RHOXF1: variants seen among roughly 807,000 people sequenced by gnomAD.
RHOXF1 encodes Rhox homeobox family member 1.
In RHOXF1, 1 loss-of-function variant was observed where a neutral mutation model predicts 9.7. That is an observed-to-expected ratio of 0.10 (90% CI 0.04 to 0.49). The LOEUF (loss-of-function observed/expected upper bound fraction) is 0.49. Ranked by LOEUF, RHOXF1 falls within the 20% of genes least tolerant of loss-of-function variation. RHOXF1 has a pLI of 0.95. For missense variants in RHOXF1, 179 were observed against 168.0 expected (o/e 1.07, Z -0.36); for synonymous variants, 72 against 70.2 (o/e 1.03, Z -0.13).
At chrX:120,116,220 T>G (rs868911624), upstream of RHOXF1, among the ~76,000 whole-genome samples, 1 of 26,907 alleles carries the variant, frequency 3.7e-5, no homozygotes, top group Non-Finnish European at 6.2e-5. Flanking sequence ...GGGTACATGG[T>G]GGGGGTGGGG....
chrX:120,114,783 A>T (rs961296418), intron 1 of RHOXF1, among the ~76,000 whole-genome samples: 2 of 111,887 alleles, frequency 1.8e-5, no homozygotes, highest in African/African-American at 6.5e-5. Context: ...TATGTAAAAA[A>T]CCCCAGAAAA....
upstream of RHOXF1, chrX:120,116,536 T>A (rs2057297781): frequency 9.1e-6 from 1 of 110,470 alleles, no homozygotes; most frequent in Non-Finnish European, 1.9e-5. Context: ...TAGGACGCCT[T>A]GAGTAAAAGT....
intron 2 of RHOXF1, among the ~76,000 whole-genome samples, chrX:120,112,516 A>T (rs868924196): frequency 2.2e-4 from 19 of 87,918 alleles, no homozygotes; most frequent in African/African-American, 8.1e-4. Flanking sequence ...TATTATATAT[A>T]ATACACATAT....
chrX:120,117,412 A>G (rs1444176403), upstream of RHOXF1, among the ~76,000 whole-genome samples: 1 of 111,661 alleles, frequency 9.0e-6, no homozygotes, highest in African/African-American at 3.3e-5. Flanking sequence ...CTCTTAAGTG[A>G]TGTTATATAC....
At chrX:120,119,265 G>A (rs892373704), upstream of RHOXF1, among the ~76,000 whole-genome samples, 2 of 111,261 alleles carry the variant, frequency 1.8e-5, no homozygotes, top group African/African-American at 3.3e-5. Context: ...TTAAACCAAG[G>A]CAAAATGAGA....
intron 2 of RHOXF1, among the ~76,000 whole-genome samples, chrX:120,111,809 G>T (rs902747305): frequency 3.6e-5 from 4 of 111,889 alleles, no homozygotes; most frequent in Admixed American, 9.5e-5. Context: ...AGCCTATTTT[G>T]ACCATATTTC....
At chrX:120,120,204 T>C (rs1556001114), upstream of RHOXF1, among the ~76,000 whole-genome samples, 2 of 111,372 alleles carry the variant, frequency 1.8e-5, no homozygotes, top group Non-Finnish European at 3.8e-5. Context: ...GAGCATAAGA[T>C]TGGGATTTTA....
intron 1 of RHOXF1, among the ~76,000 whole-genome samples, chrX:120,114,115 C>T (rs1335534561): frequency 9.2e-6 from 1 of 109,033 alleles, no homozygotes; most frequent in Non-Finnish European, 1.9e-5. Context: ...AACAAAAAAA[C>T]CAGAAAAACA....
chrX:120,109,392 T>A, intron 2 of RHOXF1, 90 bp from the exon 3 acceptor site: 1 of 515,361 alleles, frequency 1.9e-6, no homozygotes, highest in Non-Finnish European at 3.3e-6. Context: ...TATATGCTAT[T>A]GAGATTTTAA....
In RHOXF1 at chrX:120,109,111, C is replaced by T. The variant is rs782628642; in HGVS notation, c.*81G>A. On this transcript the variant is annotated 3_prime_UTR_variant, in exon 3 of 3. Coordinates refer to ENST00000217999, the MANE Select transcript of RHOXF1 (RefSeq NM_139282.3). ...GCAGAGGAGATAAGGGTAGCCTGAG[C>T]GGCATGGGCAGCCCAGGTGTCAGTG... is the stretch of plus-strand genomic sequence containing the variant. The T allele has an allele frequency of 5.4e-5, 29 of 535,464 alleles. No homozygotes were observed. Among genetic ancestry groups the T allele is most frequent in the South Asian group, 4.1e-4 (12 of 29,057 alleles). The allele number at this position is 535,464 out of a possible 1,213,427, so 44.1% of individuals were successfully genotyped here. A position where few individuals can be genotyped will look rare whatever the true frequency, so the allele number is the denominator to read the frequency against.
At chrX:120,111,329 A>G (rs1478224647) in intron 2 of RHOXF1, among the ~76,000 whole-genome samples, 1 of 111,752 alleles carries the variant, frequency 8.9e-6, no homozygotes, top group African/African-American at 3.3e-5. Context: ...ACCCTTTGCC[A>G]TTAGGATGCC....
intron 1 of RHOXF1, 91 bp from the exon 2 acceptor site, chrX:120,113,005 C>T (rs1460383198): frequency 1.7e-6 from 1 of 603,203 alleles, no homozygotes; most frequent in Non-Finnish European, 2.7e-6. Context: ...GCTTGTTTTA[C>T]AATTTATAAT....
chrX:120,109,571 A>ATTATTTATTTAT lies in RHOXF1; in HGVS notation c.445-281_445-270dup, dbSNP rs781846625. ...CTCCATTTTATTTATTTATTTATTT[A>ATTATTTATTTAT]TTATTTATTTATTTATTTATTTATT... On this transcript the variant is annotated intron_variant, in intron 2 of 2. Coordinates refer to ENST00000217999, the MANE Select transcript of RHOXF1 (RefSeq NM_139282.3). 3.4e-3 allele frequency among the ~76,000 whole-genome samples: 363 copies of ATTATTTATTTAT among 107,241 alleles called. 3 individuals carry two copies. The highest frequency in any genetic ancestry group is 0.011 in the African/African-American group (326 of 28,952). The allele number at this position is 107,241 out of a possible 115,157, so 93.1% of individuals were successfully genotyped here. A position where few individuals can be genotyped will look rare whatever the true frequency, so the allele number is the denominator to read the frequency against.
At chrX:120,112,547 A>T (rs868986616) in intron 2 of RHOXF1, among the ~76,000 whole-genome samples, 1 of 61,547 alleles carries the variant, frequency 1.6e-5, no homozygotes, top group Non-Finnish European at 2.8e-5. Flanking sequence ...TAATACATAT[A>T]TGTATAATAT....
intron 1 of RHOXF1, among the ~76,000 whole-genome samples, chrX:120,113,479 AG>A (rs1393086222): frequency 2.6e-4 from 29 of 109,499 alleles, no homozygotes; most frequent in African/African-American, 9.3e-4. Context: ...TATTTGAGAC[AG>A]GGTCTCACTG....
intron 1 of RHOXF1, 119 bp from the exon 2 acceptor site, chrX:120,113,033 CCAA>C (rs1252673349): frequency 2.2e-6 from 1 of 457,075 alleles, no homozygotes; most frequent in African/African-American, 2.4e-5. Context: ...CACACCTCCC[CCAA>C]GTATATACTT....
chrX:120,109,626 G>C (rs782400887), intron 2 of RHOXF1, among the ~76,000 whole-genome samples: 43 of 106,749 alleles, frequency 4.0e-4, no homozygotes, highest in Non-Finnish European at 6.8e-4. Context: ...TTGCTGTTTT[G>C]CCTGGGCTGG....
chrX:120,119,364 A>G (rs1289276646), upstream of RHOXF1, among the ~76,000 whole-genome samples: 1 of 112,413 alleles, frequency 8.9e-6, no homozygotes, highest in Non-Finnish European at 1.9e-5. Context: ...CACTGCTCAC[A>G]TAAATCTGTT....
upstream of RHOXF1, chrX:120,117,551 C>T: frequency 9.0e-6 from 1 of 110,695 alleles, no homozygotes; most frequent in Non-Finnish European, 1.9e-5. Flanking sequence ...TATGCAGACC[C>T]TTTGAGTCTG....
Sources: allele counts gnomAD v4.1 joint callset (sites outside exome capture counted in the v4.1 genomes callset), GRCh38; gene constraint gnomAD v4.1.1; transcripts MANE v1.5; gene names NCBI Gene and HGNC (gene_info 2026-07-23, HGNC 2026-07-21).